Variants in TSC22D1 observed in about 807,000 individuals in gnomAD.
The protein encoded by TSC22D1 is TSC22 domain family member 1, also known as TSC22 domain family protein 1.
TSC22D1 carries 9 observed loss-of-function variants against 74.2 expected under a neutral mutation model. The observed-to-expected ratio is 0.12, with a 90% CI of 0.07 to 0.21. The LOEUF is 0.21. TSC22D1 is among the 10% of genes least tolerant of loss of function. The pLI is 1.00. For synonymous variants in TSC22D1, 586 were observed against 492.5 expected, an observed-to-expected ratio of 1.19 and a Z score of -2.51; for missense variants, 1,427 against 1,304.7, an observed-to-expected ratio of 1.09 and a Z score of -1.44.
chr13:44,519,879 T>C (rs879410717), intron 1 of TSC22D1, among the ~76,000 whole-genome samples: 1 of 152,062 alleles, frequency 6.6e-6, no homozygotes, highest in Non-Finnish European at 1.5e-5. Flanking sequence ...GACTAGATGA[T>C]GGATTATGGT....
intron 1 of TSC22D1, among the ~76,000 whole-genome samples, chr13:44,466,914 G>C (rs1428521498): frequency 1.3e-5 from 2 of 152,138 alleles, no homozygotes; most frequent in Admixed American, 1.3e-4. Context: ...TGTAATCCCA[G>C]CACTTTGGGA....
At chr13:44,538,424 A>G in intron 1 of TSC22D1, 1 of 985,392 alleles carries the variant, frequency 1.0e-6, no homozygotes, top group East Asian at 1.1e-4. Context: ...CAGGCAACAA[A>G]AAAAACCATT....
intron 1 of TSC22D1, among the ~76,000 whole-genome samples, chr13:44,454,224 CCA>C (rs1216445933): frequency 6.6e-6 from 1 of 152,044 alleles, no homozygotes; most frequent in Non-Finnish European, 1.5e-5. Flanking sequence ...CAGGGGAAGA[CCA>C]GTTATGTTAT....
intron 1 of TSC22D1, among the ~76,000 whole-genome samples, chr13:44,513,632 C>T (rs928387571): frequency 5.9e-5 from 9 of 152,174 alleles, no homozygotes; most frequent in Admixed American, 3.3e-4. Context: ...CAGAGATCCA[C>T]TTATAAACCC....
intron 1 of TSC22D1, chr13:44,537,666 G>A (rs1881233894): frequency 1.0e-6 from 1 of 984,358 alleles, no homozygotes; most frequent in Admixed American, 6.2e-5. Context: ...CAAGTCGGGA[G>A]TAAAAGCTGT....
At chr13:44,547,896 C>G (rs1302441553) in intron 1 of TSC22D1, among the ~76,000 whole-genome samples, 3 of 152,164 alleles carry the variant, frequency 2.0e-5, no homozygotes, top group Non-Finnish European at 4.4e-5. Context: ...CTCAAGCAAT[C>G]CTCCTGTCTC....
chr13:44,474,996 C>T (rs573090254), intron 1 of TSC22D1, among the ~76,000 whole-genome samples: 26 of 151,748 alleles, frequency 1.7e-4, no homozygotes, highest in Middle Eastern at 6.8e-3. Context: ...GGGGAAGGGG[C>T]GGGAAACAAA....
chr13:44,485,540 T>A (rs530752608), intron 1 of TSC22D1, among the ~76,000 whole-genome samples: 298 of 152,246 alleles, frequency 2.0e-3, no homozygotes, highest in Non-Finnish European at 3.6e-3. Flanking sequence ...TCCTACTAGT[T>A]CAGAGAGAAC....
At chr13:44,570,016 CT>C (rs1883648189) in intron 1 of TSC22D1, among the ~76,000 whole-genome samples, 1 of 152,092 alleles carries the variant, frequency 6.6e-6, no homozygotes, top group Non-Finnish European at 1.5e-5. Context: ...GAAAAGAATG[CT>C]TTAAAGAGAA....
chr13:44,492,883 T>C (rs901455285), intron 1 of TSC22D1, among the ~76,000 whole-genome samples: 2 of 152,192 alleles, frequency 1.3e-5, no homozygotes, highest in African/African-American at 4.8e-5. Flanking sequence ...TGAGTTCTAA[T>C]ATTTCCCTTG....
intron 1 of TSC22D1, among the ~76,000 whole-genome samples, chr13:44,535,371 A>G (rs1881080113): frequency 6.6e-6 from 1 of 152,112 alleles, no homozygotes; most frequent in African/African-American, 2.4e-5. Context: ...AGAGTACCTA[A>G]GTGCTGAATT....
Position 44,434,132 on chromosome 13 carries a change from A to T in TSC22D1, c.*494T>A. On this transcript the variant is annotated 3_prime_UTR_variant, in exon 3 of 3. Coordinates refer to ENST00000458659, the MANE Select transcript of TSC22D1 (RefSeq NM_183422.4). ...TATGAATTTTGGTGACAGTTGTCAA[A>T]TTTGTACAGTGAACTCTGTTCCCCC... The T allele has an allele frequency of 2.0e-6, 3 of 1,499,036 alleles. No individual in the cohort carries two copies. The highest frequency in any genetic ancestry group is 1.8e-6 in the Non-Finnish European group (2 of 1,137,224). The allele number at this position is 1,499,036 out of a possible 1,614,324, so 92.9% of individuals were successfully genotyped here. A position where few individuals can be genotyped will look rare whatever the true frequency, so the allele number is the denominator to read the frequency against.
rs1874583462 is a variant in TSC22D1 at position 44,436,024 on chromosome 13, G to T, written c.2964+20C>A. 6.2e-7 allele frequency: 1 copy of T among 1,610,848 alleles called. No homozygotes were observed. The highest frequency in any genetic ancestry group is 1.7e-5 in the Admixed American group (1 of 59,920). On this transcript the variant is annotated intron_variant, in intron 2 of 2. Coordinates refer to ENST00000458659, the MANE Select transcript of TSC22D1 (RefSeq NM_183422.4). ...TGCTGTGCCCACATTTAGTATAAAT[G>T]ATTTTTCATCAGTACATACCATAGC...
intron 1 of TSC22D1, among the ~76,000 whole-genome samples, chr13:44,535,895 A>G (rs1250367733): frequency 1.3e-5 from 2 of 151,980 alleles, no homozygotes; most frequent in South Asian, 2.1e-4. Context: ...CAGGTTTCCA[A>G]TGCAGGGTGT....
chr13:44,543,423 G>A (rs1400471594), intron 1 of TSC22D1, among the ~76,000 whole-genome samples: 2 of 152,146 alleles, frequency 1.3e-5, no homozygotes, highest in Non-Finnish European at 2.9e-5. Flanking sequence ...TAAATTTACC[G>A]ATTATTCATT....
chr13:44,560,035 A>C (rs1882936022), intron 1 of TSC22D1, among the ~76,000 whole-genome samples: 1 of 152,200 alleles, frequency 6.6e-6, no homozygotes, highest in Admixed American at 6.5e-5. Flanking sequence ...AAGCTTCCTT[A>C]TGAAAGAAAC....
At chr13:44,500,237 T>C (rs569695558) in intron 1 of TSC22D1, among the ~76,000 whole-genome samples, 25 of 152,296 alleles carry the variant, frequency 1.6e-4, no homozygotes, top group African/African-American at 5.1e-4. Flanking sequence ...TTTGCCATTA[T>C]ATATATTTAA....
chr13:44,532,604 G>C (rs1880909996), intron 1 of TSC22D1, among the ~76,000 whole-genome samples: 1 of 152,102 alleles, frequency 6.6e-6, no homozygotes, highest in African/African-American at 2.4e-5. Flanking sequence ...CTCCCGAGTA[G>C]CTGGGACTAT....
chr13:44,569,829 G>C (rs1465447192), intron 1 of TSC22D1, among the ~76,000 whole-genome samples: 1 of 150,702 alleles, frequency 6.6e-6, no homozygotes, highest in Non-Finnish European at 1.5e-5. Context: ...TTTAAATCAT[G>C]ACAAAAAAAA....
Sources: allele counts gnomAD v4.1 joint callset (sites outside exome capture counted in the v4.1 genomes callset), GRCh38; gene constraint gnomAD v4.1.1; transcripts MANE v1.5; gene names NCBI Gene and HGNC (gene_info 2026-07-23, HGNC 2026-07-21).